The following EPYC variants were observed in gnomAD, a reference collection of about 807,000 sequenced individuals.
The protein encoded by EPYC is dermatan sulfate proteoglycan 3.
A neutral mutation model predicts 30.1 loss-of-function variants in EPYC; 28 were observed. That is an observed-to-expected ratio of 0.93 (90% CI 0.69 to 1.28). The LOEUF is 1.28. Among genes scored for constraint, EPYC ranks in the 50% most tolerant of loss-of-function variants. EPYC has a pLI of 0.00. For synonymous variants in EPYC, 144 were observed against 141.4 expected (o/e 1.02, Z -0.13); for missense variants, 382 against 383.5 (o/e 1.00, Z 0.03).
intron 2 of EPYC, among the ~76,000 whole-genome samples, chr12:90,999,400 AT>A (rs1165095177): frequency 6.6e-6 from 1 of 152,124 alleles, no homozygotes; most frequent in Non-Finnish European, 1.5e-5. Flanking sequence ...CAGTTATCCT[AT>A]AAATTTATAA....
At chr12:90,987,871 A>T (rs546441886) in intron 2 of EPYC, among the ~76,000 whole-genome samples, 2 of 152,208 alleles carry the variant, frequency 1.3e-5, no homozygotes, top group Non-Finnish European at 2.9e-5. Flanking sequence ...ACCAGTCTTC[A>T]CACCTAGGTT....
rs1456444298 is a variant in EPYC at position 91,002,459 on chromosome 12, G to T, written c.107C>A (p.Thr36Asn). 6.2e-7 allele frequency: 1 copy of T among 1,613,260 alleles called. No homozygotes were observed. The highest frequency in any genetic ancestry group is 1.1e-5 in the South Asian group (1 of 91,040). Residue 36 changes from threonine to asparagine, a missense_variant, in exon 2 of 7, where the codon ACC (threonine) becomes AAC (asparagine). Coordinates refer to ENST00000261172, the MANE Select transcript of EPYC (RefSeq NM_004950.5). ...INYDSETYDA[T>N]LEDLDNLYNY... Reference sequence around the variant, plus strand: ...GTACAAATTATCCAGGTCTTCTAAGGTGGCATCATAGGTTTCTGAGTCATA... The same window carrying T: ...GTACAAATTATCCAGGTCTTCTAAGTTGGCATCATAGGTTTCTGAGTCATA...
intron 2 of EPYC, among the ~76,000 whole-genome samples, chr12:90,996,423 G>A (rs979066617): frequency 2.6e-5 from 4 of 151,644 alleles, no homozygotes; most frequent in African/African-American, 9.7e-5. Flanking sequence ...TACATGCACA[G>A]GTTTATTATA....
chr12:91,004,577 T>G (rs1246686955), intron 1 of EPYC, among the ~76,000 whole-genome samples: 1 of 152,048 alleles, frequency 6.6e-6, no homozygotes, highest in East Asian at 1.9e-4. Context: ...CTCAGGAAAT[T>G]TCACTATTTC....
At position 91,003,433 on chromosome 12, in the gene EPYC, G is replaced by T. The variant is rs1437714666; in HGVS notation, c.-13-855C>A. Among the ~76,000 whole-genome samples the T allele has an allele frequency of 4.6e-5, 7 of 152,074 alleles. No individual in the cohort carries two copies. In the East Asian group the frequency reaches 1.4e-3, roughly 29 times the overall value. ...GTAAGATTCCCTTGTATGCCTGTGG[G>T]ATTATAGCCATCTTTGTTTTTTAAT... On this transcript the variant is annotated intron_variant, in intron 1 of 6. Coordinates refer to ENST00000261172, the MANE Select transcript of EPYC (RefSeq NM_004950.5).
chr12:90,989,466 G>A (rs996859713), intron 2 of EPYC, among the ~76,000 whole-genome samples: 14 of 151,824 alleles, frequency 9.2e-5, no homozygotes, highest in African/African-American at 3.1e-4. Context: ...TCATAAAATC[G>A]TATTTTGTAT....
intron 2 of EPYC, among the ~76,000 whole-genome samples, chr12:90,988,460 G>A (rs73371250): frequency 5.0e-4 from 76 of 152,224 alleles, no homozygotes; most frequent in African/African-American, 1.8e-3. Flanking sequence ...GAACCATTCA[G>A]TCCAGTAAAG....
chr12:91,003,439 A>G (rs1565877741), intron 1 of EPYC, among the ~76,000 whole-genome samples: 2 of 152,074 alleles, frequency 1.3e-5, no homozygotes, highest in African/African-American at 2.4e-5. Context: ...GTGGGATTAT[A>G]GCCATCTTTG....
intron 2 of EPYC, among the ~76,000 whole-genome samples, chr12:90,985,896 G>A (rs916698948): frequency 3.3e-5 from 5 of 152,100 alleles, no homozygotes; most frequent in African/African-American, 1.2e-4. Flanking sequence ...CTGGACACTG[G>A]TGTGGCTTTC....
chr12:90,996,337 A>G (rs2120862870), intron 2 of EPYC, among the ~76,000 whole-genome samples: 1 of 152,006 alleles, frequency 6.6e-6, no homozygotes, highest in East Asian at 1.9e-4. Context: ...CTGGTGTTAC[A>G]GAGCATCAAC....
rs1877056119 is a variant in EPYC at position 90,971,823 on chromosome 12, C to T, written c.679G>A (p.Gly227Arg). 1 of 1,605,770 alleles carries T rather than the reference C, an allele frequency of 6.2e-7. No homozygotes were observed. The highest frequency in any genetic ancestry group is 8.5e-7 in the Non-Finnish European group (1 of 1,176,914). Residue 227 changes from glycine to arginine, a missense_variant, in exon 5 of 7, where the codon GGG becomes AGG. By Grantham distance (125) the Gly-to-Arg change is moderately radical. Transcript: ENST00000261172. ...ACTTTAAATGCTTCTTGCTTTATCC[C>T]TTTCCTTCCAAGTCTATTGTTGCTA... ...DISNNRLGRK[G>R]IKQEAFKDMY...
chr12:90,986,820 G>T (rs1370917615), intron 2 of EPYC, among the ~76,000 whole-genome samples: 1 of 152,178 alleles, frequency 6.6e-6, no homozygotes, highest in Non-Finnish European at 1.5e-5. Flanking sequence ...GGGATTGCTT[G>T]TTACACAGCA....
intron 2 of EPYC, among the ~76,000 whole-genome samples, chr12:90,990,262 A>G (rs1474763302): frequency 6.6e-6 from 1 of 152,084 alleles, no homozygotes; most frequent in Non-Finnish European, 1.5e-5. Flanking sequence ...TGAGGCATAA[A>G]TCCATGCCTT....
chr12:91,000,381 T>C (rs376886947), intron 2 of EPYC, among the ~76,000 whole-genome samples: 2 of 136,322 alleles, frequency 1.5e-5, no homozygotes. Context: ...GATACTAAGA[T>C]AATATTGTAT....
chr12:91,003,856 G>A (rs1037109814), intron 1 of EPYC, among the ~76,000 whole-genome samples: 1 of 152,042 alleles, frequency 6.6e-6, no homozygotes, highest in Non-Finnish European at 1.5e-5. Flanking sequence ...TCAGTTACTT[G>A]AAAGAAAGCC....
At chr12:90,977,186 T>C (rs890601587) in intron 3 of EPYC, among the ~76,000 whole-genome samples, 5 of 152,102 alleles carry the variant, frequency 3.3e-5, no homozygotes, top group Admixed American at 6.6e-5. Context: ...TCACTCAACC[T>C]TTGCAGGGGG....
intron 2 of EPYC, among the ~76,000 whole-genome samples, chr12:90,995,259 G>T (rs908924500): frequency 4.6e-5 from 7 of 152,160 alleles, no homozygotes; most frequent in Admixed American, 3.9e-4. Context: ...TGACAAAGCA[G>T]CTTTCAGTTC....
At chr12:90,968,162 G>A (rs1876948419) in intron 6 of EPYC, among the ~76,000 whole-genome samples, 1 of 152,026 alleles carries the variant, frequency 6.6e-6, no homozygotes, top group South Asian at 2.1e-4. Context: ...ATTATAAAGT[G>A]TCAATGAGGA....
In EPYC at chr12:90,964,180, A is replaced by G. The variant is rs1161107956; in HGVS notation, c.945T>C (p.Arg315=). 1.2e-6 allele frequency: 2 copies of G among 1,612,400 alleles called. No individual in the cohort carries two copies. Among genetic ancestry groups the G allele is most frequent in the Admixed American group, 1.7e-5 (1 of 59,964 alleles). Residue 315 remains arginine, a synonymous_variant, in exon 7 of 7, where the codon CGT becomes CGC. Transcript: ENST00000261172. The part of the protein sequence containing the change: ...KTPQAYMCLP[R]LPVGSLV ...ATTAGACAAGGCTCCCAACAGGCAG[A>G]CGAGGTAGACACATGTATGCTTGAG...
Sources: allele counts gnomAD v4.1 joint callset (sites outside exome capture counted in the v4.1 genomes callset), GRCh38; gene constraint gnomAD v4.1.1; transcripts MANE v1.5; gene names NCBI Gene and HGNC (gene_info 2026-07-23, HGNC 2026-07-21).